The following PPP6R3 variants were observed in gnomAD, a reference collection of about 807,000 sequenced individuals.
PPP6R3 encodes the protein protein phosphatase 6 regulatory subunit 3.
In PPP6R3, 38 loss-of-function variants were observed where a neutral mutation model predicts 110.7. The observed-to-expected ratio is 0.34, with a 90% CI of 0.26 to 0.45. The LOEUF (loss-of-function observed/expected upper bound fraction) is 0.45, where lower values mean the gene tolerates loss of function less well. PPP6R3 is among the 20% of genes least tolerant of loss of function. The pLI is 1.00. For missense variants in PPP6R3, 870 were observed against 1,062.4 expected (o/e 0.82, Z 2.52); for synonymous variants, 369 against 373.5 (o/e 0.99, Z 0.14).
chr11:68,473,598 C>T (rs888222261), intron 1 of PPP6R3, among the ~76,000 whole-genome samples: 9 of 152,194 alleles, frequency 5.9e-5, no homozygotes, highest in Admixed American at 1.3e-4. Context: ...TTGTGATTGG[C>T]GTCAGAAGTC....
chr11:68,504,583 C>T (rs571328775), intron 1 of PPP6R3, among the ~76,000 whole-genome samples: 1 of 152,120 alleles, frequency 6.6e-6, no homozygotes, highest in Non-Finnish European at 1.5e-5. Flanking sequence ...AGTAAGTGTA[C>T]CCCCTGTCAA....
At chr11:68,549,331 C>T (rs2099361755) in intron 5 of PPP6R3, among the ~76,000 whole-genome samples, 2 of 152,184 alleles carry the variant, frequency 1.3e-5, no homozygotes, top group African/African-American at 4.8e-5. Flanking sequence ...TTATTTAAGA[C>T]CTCAAGGACT....
At chr11:68,575,917 C>A in intron 13 of PPP6R3, 41 bp from the exon 14 acceptor site, 2 of 1,434,352 alleles carry the variant, frequency 1.4e-6, no homozygotes, top group South Asian at 2.3e-5. Context: ...CCGTGGAGGT[C>A]ATTGTGGTGA....
At chr11:68,531,153 T>G (rs1017093279) in intron 2 of PPP6R3, among the ~76,000 whole-genome samples, 1 of 152,078 alleles carries the variant, frequency 6.6e-6, no homozygotes, top group Non-Finnish European at 1.5e-5. Context: ...TATATGTATT[T>G]AAATTTGTGA....
intron 9 of PPP6R3, among the ~76,000 whole-genome samples, chr11:68,565,377 C>G (rs1459993556): frequency 6.6e-6 from 1 of 151,934 alleles, no homozygotes; most frequent in Non-Finnish European, 1.5e-5. Flanking sequence ...CCAGCCACAT[C>G]TTATCTGCAT....
intron 10 of PPP6R3, among the ~76,000 whole-genome samples, chr11:68,567,719 G>A (rs1390120180): frequency 6.6e-6 from 1 of 152,158 alleles, no homozygotes; most frequent in Non-Finnish European, 1.5e-5. Flanking sequence ...CAGCTCTGGA[G>A]CCCATGCTTC....
intron 2 of PPP6R3, among the ~76,000 whole-genome samples, chr11:68,537,296 A>G (rs1364177980): frequency 6.6e-6 from 1 of 152,176 alleles, no homozygotes; most frequent in East Asian, 1.9e-4. Context: ...CTCACTGCTT[A>G]TCACTTGTTG....
chr11:68,465,276 T>C (rs992556256), intron 1 of PPP6R3, among the ~76,000 whole-genome samples: 1 of 152,204 alleles, frequency 6.6e-6, no homozygotes, highest in East Asian at 1.9e-4. Flanking sequence ...CAGATAGGCA[T>C]ACAGTATGCT....
In PPP6R3 at chr11:68,585,521, A is replaced by C. The variant is rs555803263; in HGVS notation, c.1632+2392A>C. Among the ~76,000 whole-genome samples the C allele has an allele frequency of 7.2e-5, 11 of 152,304 alleles. No homozygotes were observed. The East Asian group carries it at 1.9e-3, about 27-fold the overall frequency. ...GCTTTTTAAAAATAATTATACAGCT[A>C]TATTGTGCTTTCCAGATATAGGTTT... On this transcript the variant is annotated intron_variant, in intron 15 of 23. Transcript: ENST00000393800.
chr11:68,473,370 C>G (rs2098806002), intron 1 of PPP6R3, among the ~76,000 whole-genome samples: 1 of 152,154 alleles, frequency 6.6e-6, no homozygotes, highest in Non-Finnish European at 1.5e-5. Context: ...GGTGGTGTGC[C>G]CATAGAGGGC....
chr11:68,536,102 T>C (rs567718561), intron 2 of PPP6R3, among the ~76,000 whole-genome samples: 2 of 152,318 alleles, frequency 1.3e-5, no homozygotes, highest in South Asian at 2.1e-4. Flanking sequence ...CAGAGTTTGT[T>C]TTCCTTCTGT....
intron 1 of PPP6R3, among the ~76,000 whole-genome samples, chr11:68,508,342 G>A (rs1301094804): frequency 1.3e-5 from 2 of 151,904 alleles, no homozygotes; most frequent in African/African-American, 2.4e-5. Flanking sequence ...ACGTTGGCCA[G>A]GCTGGTCTGG....
chr11:68,608,687 G>T (rs1237271210), intron 22 of PPP6R3, among the ~76,000 whole-genome samples: 1 of 152,198 alleles, frequency 6.6e-6, no homozygotes, highest in Admixed American at 6.5e-5. Context: ...GCACGCCACG[G>T]GTGCTGTGCC....
intron 1 of PPP6R3, among the ~76,000 whole-genome samples, chr11:68,487,647 C>T (rs2098956669): frequency 1.3e-5 from 2 of 151,732 alleles, no homozygotes; most frequent in East Asian, 1.9e-4. Context: ...TTTTGACTCC[C>T]ATGTTATTTA....
chr11:68,491,050 G>A (rs1261459066), intron 1 of PPP6R3, among the ~76,000 whole-genome samples: 1 of 152,050 alleles, frequency 6.6e-6, no homozygotes, highest in African/African-American at 2.4e-5. Context: ...GCTGGGCGTG[G>A]TGGCACACAC....
chr11:68,530,162 G>A (rs2099229142), intron 2 of PPP6R3, among the ~76,000 whole-genome samples: 1 of 152,122 alleles, frequency 6.6e-6, no homozygotes, highest in African/African-American at 2.4e-5. Flanking sequence ...TTTAATGTGT[G>A]GCTCAAAAGT....
intron 22 of PPP6R3, among the ~76,000 whole-genome samples, chr11:68,608,034 TAAAAAA>T (rs55705439): frequency 7.4e-6 from 1 of 134,932 alleles, no homozygotes; most frequent in African/African-American, 2.7e-5. Context: ...AGGACTTCTT[TAAAAAA>T]AAAAAAAAAA....
At chr11:68,478,646 A>AGTTTGTTTTT (rs2098859603) in intron 1 of PPP6R3, among the ~76,000 whole-genome samples, 1 of 10,754 alleles carries the variant, frequency 9.3e-5, no homozygotes, top group Admixed American at 1.2e-3. Flanking sequence ...GCACTTGGTA[A>AGTTTGTTTTT]GTTTTTTTTT....
At chr11:68,565,281 A>G (rs954171702) in intron 9 of PPP6R3, among the ~76,000 whole-genome samples, 3 of 151,868 alleles carry the variant, frequency 2.0e-5, no homozygotes, top group African/African-American at 4.8e-5. Context: ...GCTCCAGATC[A>G]TCTTTTCAGA....
Sources: gnomAD v4.1 joint callset for allele counts (sites outside exome capture counted in the v4.1 genomes callset) on GRCh38, gnomAD v4.1.1 for gene constraint, MANE v1.5 for transcripts, NCBI Gene and HGNC (gene_info 2026-07-23, HGNC 2026-07-21) for gene names.